GRIK4: variants seen among roughly 807,000 people sequenced by gnomAD.
GRIK4 encodes the protein glutamate receptor ionotropic, kainate 4.
Under a neutral mutation model 104.9 loss-of-function variants are expected in GRIK4, and 40 were observed. The ratio of observed to expected loss-of-function variants is 0.38; its 90% CI spans 0.30 to 0.50. The LOEUF (loss-of-function observed/expected upper bound fraction) is 0.50, where lower values mean the gene tolerates loss of function less well. Ranked by LOEUF, GRIK4 falls within the 20% of genes least tolerant of loss-of-function variation. The pLI, the probability that GRIK4 is intolerant of heterozygous loss-of-function variation, is 0.93. For synonymous variants in GRIK4, 485 were observed against 524.9 expected (o/e 0.92, Z 1.04); for missense variants, 1,047 against 1,308.1 (o/e 0.80, Z 3.08).
chr11:120,962,549 A>G lies in GRIK4; in HGVS notation c.2134A>G (p.Arg712Gly). The change falls in exon 18 of 21, where the codon AGG becomes GGG. Residue 712 changes from arginine (R) to glycine (G), a missense_variant. Coordinates refer to ENST00000527524, the MANE Select transcript of GRIK4 (RefSeq NM_014619.5). Reference sequence around the variant, plus strand: ...GAAGAGCACAGAGGAGGGAATCGCCAGGGTGTTGAATTCCAACTACGCCTT... The same window carrying G: ...GAAGAGCACAGAGGAGGGAATCGCCGGGGTGTTGAATTCCAACTACGCCTT... ...FVKSTEEGIARVLNSNYAFLL... is the reference protein window; with the variant it reads ...FVKSTEEGIAGVLNSNYAFLL... 3 of 1,614,010 alleles carry G rather than the reference A, an allele frequency of 1.9e-6. No individual in the cohort carries two copies. The highest frequency in any genetic ancestry group is 2.5e-6 in the Non-Finnish European group (3 of 1,179,852).
At chr11:120,954,793 A>G (rs1309315207) in intron 15 of GRIK4, among the ~76,000 whole-genome samples, 1 of 21,860 alleles carries the variant, frequency 4.6e-5, no homozygotes, top group Non-Finnish European at 9.8e-5. Flanking sequence ...ACACACACAC[A>G]CACACACACA....
At chr11:120,882,730 A>G (rs896187631) in intron 11 of GRIK4, among the ~76,000 whole-genome samples, 4 of 152,198 alleles carry the variant, frequency 2.6e-5, no homozygotes, top group African/African-American at 9.7e-5. Flanking sequence ...CAGAGAACAC[A>G]TCAGTGAGAG....
At chr11:120,718,288 GA>G (rs1455433455) in intron 3 of GRIK4, among the ~76,000 whole-genome samples, 1 of 150,136 alleles carries the variant, frequency 6.7e-6, no homozygotes, top group Non-Finnish European at 1.5e-5. Flanking sequence ...AGGCTTTCTG[GA>G]AACAGCAGAA....
At chr11:120,874,696 T>C (rs1954726873) in intron 10 of GRIK4, among the ~76,000 whole-genome samples, 1 of 152,210 alleles carries the variant, frequency 6.6e-6, no homozygotes, top group Admixed American at 6.5e-5. Flanking sequence ...AGAAGACTTC[T>C]GTCAGAGAAG....
chr11:120,950,231 T>G (rs1565457514), intron 14 of GRIK4, among the ~76,000 whole-genome samples: 1 of 152,210 alleles, frequency 6.6e-6, no homozygotes, highest in Non-Finnish European at 1.5e-5. Flanking sequence ...CAATCACAAG[T>G]AGAATCAGAT....
At chr11:120,969,702 T>C (rs1944442901) in intron 19 of GRIK4, among the ~76,000 whole-genome samples, 1 of 152,102 alleles carries the variant, frequency 6.6e-6, no homozygotes, top group African/African-American at 2.4e-5. Context: ...AAGAGCGCCG[T>C]CTCTCCTCCA....
intron 3 of GRIK4, among the ~76,000 whole-genome samples, chr11:120,670,698 C>CT (rs61468867): frequency 2.6e-5 from 4 of 151,252 alleles, no homozygotes; most frequent in Non-Finnish European, 5.9e-5. Context: ...CTTCCTTTTT[C>CT]TTTTTTTTAT....
At chr11:120,781,319 G>A (rs1952152300) in intron 3 of GRIK4, among the ~76,000 whole-genome samples, 1 of 151,698 alleles carries the variant, frequency 6.6e-6, no homozygotes. Flanking sequence ...GTGGGCATGG[G>A]GTCTGGCAAT....
chr11:120,622,586 C>G (rs187839979), intron 1 of GRIK4, among the ~76,000 whole-genome samples: 8 of 152,330 alleles, frequency 5.3e-5, no homozygotes, highest in African/African-American at 1.9e-4. Flanking sequence ...TTTTGGCTTT[C>G]TCTTTTGGGA....
chr11:120,820,015 G>T (rs983892938), intron 6 of GRIK4, 95 bp downstream of exon 6: 3 of 1,213,132 alleles, frequency 2.5e-6, no homozygotes, highest in African/African-American at 1.5e-5. Flanking sequence ...CTCCAGGAAG[G>T]GGAGGCTTCC....
chr11:120,648,911 C>T (rs774217975), intron 1 of GRIK4, among the ~76,000 whole-genome samples: 15 of 152,208 alleles, frequency 9.9e-5, no homozygotes, highest in Non-Finnish European at 2.1e-4. Context: ...AAGTCTACTT[C>T]CTTCTCCGAC....
At chr11:120,909,588 A>G (rs1942947999) in intron 13 of GRIK4, among the ~76,000 whole-genome samples, 1 of 152,196 alleles carries the variant, frequency 6.6e-6, no homozygotes, top group African/African-American at 2.4e-5. Context: ...CAGGGTATGT[A>G]TGGACAGGGC....
intron 3 of GRIK4, among the ~76,000 whole-genome samples, chr11:120,738,891 C>T (rs1021048098): frequency 1.5e-4 from 23 of 152,212 alleles, no homozygotes; most frequent in Non-Finnish European, 2.2e-4. Context: ...CTGAAGATGA[C>T]GCAGGCCAGA....
rs1944399691 is a variant in GRIK4 at position 120,967,217 on chromosome 11, T to G, written c.2289T>G (p.Phe763Leu). 2 of 1,613,614 alleles carry G rather than the reference T, an allele frequency of 1.2e-6. No homozygotes were observed. The highest frequency in any genetic ancestry group is 1.7e-6 in the Non-Finnish European group (2 of 1,179,828). Reference sequence around the variant, plus strand: ...CAGGCTCGGTTTTCCGGGACGAGTTTGATCTGGCCATTCTCCAGCTGCAGG... The same window carrying G: ...CAGGCTCGGTTTTCCGGGACGAGTTGGATCTGGCCATTCTCCAGCTGCAGG... ...MPVGSVFRDE[F>L]DLAILQLQEN... The change falls in exon 19 of 21, where the codon TTT (phenylalanine) becomes TTG (leucine). Residue 763 changes from phenylalanine (F) to leucine (L), a missense_variant. By Grantham distance (22) the Phe-to-Leu change is conservative. This residue lies in a region of GRIK4 where 440 missense variants were observed against 652.3 expected (regional missense o/e 0.67). Transcript: ENST00000527524. This position sits in a 1 kb window ranked among gnomAD's most constrained non-coding sequence, Gnocchi z 4.2.
intron 3 of GRIK4, among the ~76,000 whole-genome samples, chr11:120,726,105 C>T (rs1951023530): frequency 6.6e-6 from 1 of 152,130 alleles, no homozygotes; most frequent in Non-Finnish European, 1.5e-5. Context: ...ACTGCAAGGA[C>T]AAGTGCCCTG....
chr11:120,530,954 C>T (rs950278561), intron 1 of GRIK4, among the ~76,000 whole-genome samples: 4 of 152,146 alleles, frequency 2.6e-5, no homozygotes, highest in Admixed American at 6.5e-5. Flanking sequence ...AGATCTGCTA[C>T]GGTGTGACTT....
rs115027553 is a variant in GRIK4, at chr11:120,698,271, C to A, written c.82+37871C>A. 7.7e-3 allele frequency among the ~76,000 whole-genome samples: 1,174 copies of A among 152,144 alleles called. 15 individuals carry two copies. The highest frequency in any genetic ancestry group is 0.055 in the South Asian group (264 of 4,800). ...ATAAAATTAATTTCAATGTTTAAATCCTTGGGCATCACTACACATAACAGG... is the reference window on the plus strand; with the variant it reads ...ATAAAATTAATTTCAATGTTTAAATACTTGGGCATCACTACACATAACAGG... On this transcript the variant is annotated intron_variant, in intron 3 of 20. Transcript: ENST00000527524.
At chr11:120,845,865 A>T (rs1013629305) in intron 8 of GRIK4, among the ~76,000 whole-genome samples, 1 of 152,248 alleles carries the variant, frequency 6.6e-6, no homozygotes, top group African/African-American at 2.4e-5. Context: ...TGCAACTAGA[A>T]AAAAGAGTGA....
intron 13 of GRIK4, among the ~76,000 whole-genome samples, chr11:120,912,336 C>A (rs1437080548): frequency 5.3e-5 from 8 of 152,096 alleles, no homozygotes; most frequent in Admixed American, 3.3e-4. Flanking sequence ...TGGGCTTCAG[C>A]AGGCTGAAGG....
Sources: gnomAD v4.1 joint callset for allele counts (sites outside exome capture counted in the v4.1 genomes callset) on GRCh38, gnomAD v4.1.1 for gene constraint, gnomAD v4.1.1 regional missense constraint, Gnocchi (gnomAD v3.1) non-coding constraint, MANE v1.5 for transcripts, NCBI Gene and HGNC (gene_info 2026-07-23, HGNC 2026-07-21) for gene names.